The following SCIN variants were observed in gnomAD, a reference collection of about 807,000 sequenced individuals.
SCIN encodes adseverin.
SCIN carries 91 observed loss-of-function variants against 91.8 expected under a neutral mutation model. That is an observed-to-expected ratio of 0.99 (90% CI 0.84 to 1.18). The LOEUF is 1.18. Ranked by LOEUF, SCIN falls within the 50% of genes most tolerant of loss-of-function variation. The probability of loss-of-function intolerance (pLI) is 0.00; values close to 1 mark genes in which losing one functional copy is unlikely to be tolerated. For synonymous variants in SCIN, 367 were observed against 312.6 expected (o/e 1.17, Z -1.84); for missense variants, 1,087 against 863.9 (o/e 1.26, Z -3.24).
chr7:12,624,959 C>T, intron 5 of SCIN, 51 bp from the exon 6 acceptor site: 1 of 1,524,868 alleles, frequency 6.6e-7, no homozygotes, highest in Non-Finnish European at 8.8e-7. Context: ...AATTATAGAA[C>T]ATCCTTATCA....
chr7:12,658,098 G>A lies in SCIN; in HGVS notation c.*5383G>A, dbSNP rs1057204267. ...ATTAAAATATCCCTGCAAGTTCACT[G>A]TGACTCAATCTAAGGTTTTAATAAT... On this transcript the variant is annotated 3_prime_UTR_variant, in exon 16 of 16. Transcript: ENST00000297029. 6.6e-6 allele frequency: 1 copy of A among 152,176 alleles called. No homozygotes were observed. The highest frequency in any genetic ancestry group is 1.5e-5 in the Non-Finnish European group (1 of 68,042). The allele number at this position is 152,176 out of a possible 1,614,324, so 9.4% of individuals were successfully genotyped here.
chr7:12,577,829 C>G, intron 1 of SCIN: 1 of 470,684 alleles, frequency 2.1e-6, no homozygotes, highest in South Asian at 2.6e-5. Flanking sequence ...GCATTCCAGG[C>G]TTAGCAACAG....
At chr7:12,578,633 G>A (rs973090601) in intron 2 of SCIN, among the ~76,000 whole-genome samples, 80 of 152,032 alleles carry the variant, frequency 5.3e-4, no homozygotes, top group African/African-American at 1.9e-3. Context: ...AATCTCAGTT[G>A]TTCTGGAATA....
At chr7:12,599,701 A>G (rs771337415) in intron 3 of SCIN, among the ~76,000 whole-genome samples, 14 of 151,552 alleles carry the variant, frequency 9.2e-5, no homozygotes, top group Non-Finnish European at 1.9e-4. Context: ...TTATTTTTTC[A>G]TCATGGCCAT....
intron 3 of SCIN, among the ~76,000 whole-genome samples, chr7:12,599,899 G>T (rs1310930840): frequency 6.6e-6 from 1 of 152,020 alleles, no homozygotes; most frequent in Non-Finnish European, 1.5e-5. Context: ...GTTCTTTGTA[G>T]ATTCTTGATA....
intron 9 of SCIN, among the ~76,000 whole-genome samples, chr7:12,631,102 C>A (rs561274556): frequency 6.6e-6 from 1 of 152,266 alleles, no homozygotes; most frequent in South Asian, 2.1e-4. Flanking sequence ...CAGTTTGCAA[C>A]CCATATAAAT....
intron 11 of SCIN, among the ~76,000 whole-genome samples, chr7:12,642,769 C>T (rs552513270): frequency 2.6e-5 from 4 of 152,048 alleles, no homozygotes; most frequent in South Asian, 2.1e-4. Context: ...TATCCCCACA[C>T]TTACAATGGT....
Position 12,644,120 on chromosome 7 carries a change from T to A in SCIN, c.1582-18T>A, listed in dbSNP as rs766669562. 6.2e-7 allele frequency: 1 copy of A among 1,602,380 alleles called. No individual in the cohort carries two copies. The highest frequency in any genetic ancestry group is 2.2e-5 in the East Asian group (1 of 44,630). On this transcript the variant is annotated intron_variant, in intron 11 of 15. Coordinates refer to ENST00000297029, the MANE Select transcript of SCIN (RefSeq NM_001112706.3). ...GCAATGAATTTGAATCATTGTTTTA[T>A]TTTTCTTCATATTCCAGGTTGATGT...
At chr7:12,608,774 G>T (rs567074479) in intron 4 of SCIN, among the ~76,000 whole-genome samples, 1 of 152,124 alleles carries the variant, frequency 6.6e-6, no homozygotes, top group Non-Finnish European at 1.5e-5. Context: ...TACGCACCCG[G>T]CCTAAATTTG....
chr7:12,600,515 CA>C (rs1782936342), intron 3 of SCIN, among the ~76,000 whole-genome samples: 1 of 152,192 alleles, frequency 6.6e-6, no homozygotes, highest in Middle Eastern at 3.4e-3. Context: ...AAATTTAAAA[CA>C]AAAACAAAGA....
At chr7:12,649,938 T>C (rs936836765) in intron 14 of SCIN, among the ~76,000 whole-genome samples, 13 of 152,316 alleles carry the variant, frequency 8.5e-5, no homozygotes, top group African/African-American at 2.6e-4. Context: ...CAAGAAGTCA[T>C]GGGTAGCCCT....
chr7:12,640,070 C>G (rs1009510121), intron 10 of SCIN, among the ~76,000 whole-genome samples: 1 of 152,172 alleles, frequency 6.6e-6, no homozygotes, highest in African/African-American at 2.4e-5. Flanking sequence ...CATCTTCATA[C>G]TTTTCAAAAA....
chr7:12,616,135 G>A (rs992244424), intron 4 of SCIN, among the ~76,000 whole-genome samples: 4 of 152,014 alleles, frequency 2.6e-5, no homozygotes, highest in African/African-American at 9.7e-5. Context: ...GAGTACCAGA[G>A]GGTAATCTTT....
intron 4 of SCIN, among the ~76,000 whole-genome samples, chr7:12,612,762 G>C (rs1379022917): frequency 6.6e-6 from 1 of 152,154 alleles, no homozygotes; most frequent in Non-Finnish European, 1.5e-5. Context: ...AATTCATCCA[G>C]TGGGGGAAGT....
chr7:12,577,114 G>A (rs1782388842), intron 1 of SCIN, among the ~76,000 whole-genome samples: 1 of 152,070 alleles, frequency 6.6e-6, no homozygotes, highest in African/African-American at 2.4e-5. Flanking sequence ...AATGTATGTT[G>A]TATGTAAAAT....
chr7:12,594,767 G>A (rs1340728945), intron 3 of SCIN, among the ~76,000 whole-genome samples: 1 of 152,124 alleles, frequency 6.6e-6, no homozygotes, highest in Admixed American at 6.5e-5. Flanking sequence ...GGCCTTGTAT[G>A]GAATAGAGGA....
intron 13 of SCIN, among the ~76,000 whole-genome samples, chr7:12,646,157 A>T (rs1783961676): frequency 6.6e-6 from 1 of 152,258 alleles, no homozygotes; most frequent in Non-Finnish European, 1.5e-5. Context: ...TTTGACTTCC[A>T]GTCCAGTCAG....
intron 9 of SCIN, among the ~76,000 whole-genome samples, chr7:12,631,908 A>G (rs17357392): frequency 0.22 from 33,405 of 151,894 alleles, 4,199 homozygotes; most frequent in Non-Finnish European, 0.28. Context: ...GCTCCAATCT[A>G]CTCGTCATAG....
At position 12,656,181 on chromosome 7, in the gene SCIN, T is replaced by G. The variant is rs573001790; in HGVS notation, c.*3466T>G. The G allele has an allele frequency of 5.9e-5, 9 of 152,288 alleles. No homozygotes were observed. The highest frequency in any genetic ancestry group is 8.8e-5 in the Non-Finnish European group (6 of 68,014). 9.4% of individuals were successfully genotyped at this position (152,288 alleles called of 1,614,324 possible). ...ACAATGTTTTGGCCTCCAGTAATGA[T>G]TAGGAACACACTATAAACATAAAAC... On this transcript the variant is annotated 3_prime_UTR_variant, in exon 16 of 16. Transcript: ENST00000297029.
Sources: allele counts gnomAD v4.1 joint callset (sites outside exome capture counted in the v4.1 genomes callset), GRCh38; gene constraint gnomAD v4.1.1; transcripts MANE v1.5; gene names NCBI Gene and HGNC (gene_info 2026-07-23, HGNC 2026-07-21).